The following DOCK8 variants were observed in gnomAD, a reference collection of about 807,000 sequenced individuals.
DOCK8 encodes dedicator of cytokinesis protein 8.
Under a neutral mutation model 245.6 loss-of-function variants are expected in DOCK8, and 141 were observed. The ratio of observed to expected loss-of-function variants is 0.57; its 90% CI spans 0.50 to 0.66. DOCK8 has a LOEUF of 0.66. Ranked by LOEUF, DOCK8 falls within the 30% of genes least tolerant of loss-of-function variation. The pLI, the probability that DOCK8 is intolerant of heterozygous loss-of-function variation, is 0.00. For missense variants in DOCK8, 2,965 were observed against 2,603.4 expected (o/e 1.14, Z -3.02); for synonymous variants, 1,168 against 970.2 (o/e 1.20, Z -3.79).
intron 14 of DOCK8, among the ~76,000 whole-genome samples, chr9:341,898 C>A (rs997777410): frequency 4.6e-5 from 7 of 152,134 alleles, no homozygotes; most frequent in Non-Finnish European, 1.0e-4. Context: ...GAGCATGAAT[C>A]CTATTGTGAA....
chr9:400,331 C>G (rs1484144216), intron 26 of DOCK8, among the ~76,000 whole-genome samples: 1 of 97,946 alleles, frequency 1.0e-5, no homozygotes, highest in Non-Finnish European at 2.1e-5. Flanking sequence ...TCCACCACCA[C>G]CACCTCCTCC....
intron 45 of DOCK8, 82 bp from the exon 46 acceptor site, chr9:451,927 GTA>G (rs1412414987): frequency 2.1e-4 from 52 of 251,992 alleles, no homozygotes; most frequent in African/African-American, 1.6e-3. Context: ...ACATATATAT[GTA>G]TGTGTATATA....
intron 1 of DOCK8, among the ~76,000 whole-genome samples, chr9:232,685 G>T (rs1338462404): frequency 1.3e-5 from 2 of 152,202 alleles, no homozygotes; most frequent in Non-Finnish European, 2.9e-5. Context: ...TATTTGCAAA[G>T]AGGTGTTTAT....
At chr9:366,997 C>T (rs1256169080) in intron 14 of DOCK8, among the ~76,000 whole-genome samples, 2 of 152,174 alleles carry the variant, frequency 1.3e-5, no homozygotes, top group Admixed American at 6.5e-5. Context: ...GGGTTGAATT[C>T]CCCGCTCTGC....
At chr9:439,447 T>G (rs1587053152) in intron 40 of DOCK8, 59 bp downstream of exon 40, 1 of 1,601,578 alleles carries the variant, frequency 6.2e-7, no homozygotes, top group East Asian at 2.2e-5. Flanking sequence ...GGACTTGGGG[T>G]GCTGGGAACA....
intron 1 of DOCK8, among the ~76,000 whole-genome samples, chr9:255,913 ACCTGCTTGAT>A (rs1322619198): frequency 6.6e-6 from 1 of 152,176 alleles, no homozygotes; most frequent in Admixed American, 6.5e-5. Flanking sequence ...GATTTAAAAT[ACCTGCTTGAT>A]CCGTAATTCA....
At chr9:421,726 G>A (rs1160730570) in intron 32 of DOCK8, among the ~76,000 whole-genome samples, 1 of 152,180 alleles carries the variant, frequency 6.6e-6, no homozygotes, top group African/African-American at 2.4e-5. Flanking sequence ...TGGTGGTCAG[G>A]CACCCTCATT....
intron 32 of DOCK8, 50 bp from the exon 33 acceptor site, chr9:421,998 G>C (rs1169703187): frequency 2.0e-6 from 3 of 1,476,966 alleles, no homozygotes; most frequent in Non-Finnish European, 1.9e-6. Flanking sequence ...TGGTTATCTT[G>C]GAGGGTTTCA....
chr9:258,592 CTT>C (rs540266063), intron 1 of DOCK8, among the ~76,000 whole-genome samples: 4,141 of 99,920 alleles, frequency 0.041, 87 homozygotes, highest in African/African-American at 0.12. Context: ...TGAAGAGACT[CTT>C]TTTTTTTTTT....
At chr9:411,030 G>T (rs1225523806) in intron 28 of DOCK8, among the ~76,000 whole-genome samples, 4 of 152,186 alleles carry the variant, frequency 2.6e-5, no homozygotes, top group Non-Finnish European at 5.9e-5. Context: ...ACTCCAAGAA[G>T]ATATAGAAAA....
chr9:446,654 G>C, intron 44 of DOCK8, 48 bp downstream of exon 44: 1 of 1,583,258 alleles, frequency 6.3e-7, no homozygotes, highest in South Asian at 1.1e-5. Flanking sequence ...GGGCTGGGTG[G>C]CCTCCCAGGA....
chr9:287,117 C>T (rs529242832), intron 3 of DOCK8, among the ~76,000 whole-genome samples: 1 of 152,320 alleles, frequency 6.6e-6, no homozygotes, highest in African/African-American at 2.4e-5. Context: ...TATTGAGCAT[C>T]TACTATGTTC....
intron 9 of DOCK8, among the ~76,000 whole-genome samples, chr9:330,261 T>C (rs1198127764): frequency 1.3e-5 from 2 of 152,218 alleles, no homozygotes; most frequent in Non-Finnish European, 2.9e-5. Context: ...TGGGATTGAA[T>C]TGGAAACTTT....
chr9:358,210 G>T (rs1466862730), intron 14 of DOCK8, among the ~76,000 whole-genome samples: 3 of 152,020 alleles, frequency 2.0e-5, no homozygotes, highest in Non-Finnish European at 4.4e-5. Flanking sequence ...TCAGCCTTCT[G>T]AGTAGCTGGG....
upstream of DOCK8, among the ~76,000 whole-genome samples, chr9:212,106 C>CA (rs2046628168): frequency 1.3e-5 from 2 of 152,082 alleles, no homozygotes; most frequent in Admixed American, 1.3e-4. Context: ...TCTCCAGTTG[C>CA]AAAGAGGTAT....
At position 232,092 on chromosome 9, in the gene DOCK8, G is replaced by C. The variant is rs9697025; in HGVS notation, c.53+17063G>C. The stretch of plus-strand genomic sequence containing the variant: ...CCCATCAATACCTAATTTATTGAGA[G>C]TTTTTAGCATGAAGCGTTGTTGGAT... On this transcript the variant is annotated intron_variant, in intron 1 of 47. Coordinates refer to ENST00000432829, the MANE Select transcript of DOCK8 (RefSeq NM_203447.4). 3.6e-3 allele frequency among the ~76,000 whole-genome samples: 553 copies of C among 152,246 alleles called. 4 individuals carry two copies. Among genetic ancestry groups the C allele is most frequent in the African/African-American group, 0.013 (527 of 41,530 alleles).
chr9:309,011 C>G (rs1289578781), intron 5 of DOCK8, among the ~76,000 whole-genome samples: 1 of 152,182 alleles, frequency 6.6e-6, no homozygotes, highest in Non-Finnish European at 1.5e-5. Flanking sequence ...GTTCCAAAAT[C>G]TCTTAACACT....
chr9:346,440 A>T (rs899245435), intron 14 of DOCK8, among the ~76,000 whole-genome samples: 1 of 152,152 alleles, frequency 6.6e-6, no homozygotes, highest in African/African-American at 2.4e-5. Flanking sequence ...ATCACAGGCA[A>T]TGAGGTTGTA....
intron 1 of DOCK8, among the ~76,000 whole-genome samples, chr9:262,161 T>G (rs1045346149): frequency 1.3e-5 from 2 of 152,056 alleles, no homozygotes; most frequent in Non-Finnish European, 2.9e-5. Flanking sequence ...ATTAGGGAAA[T>G]GCAAATTAAA....
Sources: gnomAD v4.1 joint callset for allele counts (sites outside exome capture counted in the v4.1 genomes callset) on GRCh38, gnomAD v4.1.1 for gene constraint, MANE v1.5 for transcripts, NCBI Gene and HGNC (gene_info 2026-07-23, HGNC 2026-07-21) for gene names.